Variants in SHISA9 observed in about 807,000 individuals in gnomAD.
SHISA9 encodes the protein protein shisa-9.
Under a neutral mutation model 38.0 loss-of-function variants are expected in SHISA9, and 13 were observed. That is an observed-to-expected ratio of 0.34 (90% CI 0.22 to 0.54). SHISA9 has a LOEUF of 0.54. Among genes scored for constraint, SHISA9 ranks in the 20% least tolerant of loss-of-function variants. The pLI is 0.91. For synonymous variants in SHISA9, 275 were observed against 242.0 expected (o/e 1.14, Z -1.27); for missense variants, 538 against 575.8 (o/e 0.93, Z 0.67).
At chr16:12,952,609 G>T (rs1329520053) in intron 2 of SHISA9, among the ~76,000 whole-genome samples, 1 of 152,196 alleles carries the variant, frequency 6.6e-6, no homozygotes, top group African/African-American at 2.4e-5. Flanking sequence ...GATCATGGGG[G>T]TGGTTTCCTC....
At chr16:13,018,306 C>G (rs778568458) in intron 2 of SHISA9, among the ~76,000 whole-genome samples, 3 of 152,198 alleles carry the variant, frequency 2.0e-5, no homozygotes, top group Non-Finnish European at 2.9e-5. Flanking sequence ...GATCTGGCCT[C>G]CAATTTGAAT....
the SHISA9 span, among the ~76,000 whole-genome samples, chr16:13,556,338 C>T: frequency 6.6e-6 from 1 of 152,140 alleles, no homozygotes; most frequent in East Asian, 1.9e-4. Flanking sequence ...GGAATTTGAA[C>T]ACAGTCTGAC....
chr16:12,973,913 A>C (rs2072119671), intron 2 of SHISA9, among the ~76,000 whole-genome samples: 1 of 152,174 alleles, frequency 6.6e-6, no homozygotes, highest in Admixed American at 6.5e-5. Context: ...CGTATTCTTC[A>C]AGCACCCTTC....
chr16:13,048,248 A>G (rs1423600910), intron 2 of SHISA9, among the ~76,000 whole-genome samples: 2 of 152,202 alleles, frequency 1.3e-5, no homozygotes, highest in Non-Finnish European at 2.9e-5. Context: ...GTAACAAATA[A>G]TTTGTCTGAT....
chr16:13,496,472 A>G, the SHISA9 span, among the ~76,000 whole-genome samples: 1 of 152,140 alleles, frequency 6.6e-6, no homozygotes, highest in South Asian at 2.1e-4. Flanking sequence ...GTCAATGGTC[A>G]ACATTATATA....
the SHISA9 span, among the ~76,000 whole-genome samples, chr16:13,518,743 T>G: frequency 6.6e-6 from 1 of 152,198 alleles, no homozygotes; most frequent in Non-Finnish European, 1.5e-5. Context: ...CCAGTTTATG[T>G]TGCTATAGCA....
the SHISA9 span, among the ~76,000 whole-genome samples, chr16:13,506,306 C>T: frequency 7.9e-5 from 12 of 152,084 alleles, no homozygotes; most frequent in Admixed American, 7.9e-4. Context: ...CAGAGAACAA[C>T]AAAAAGACAA....
At chr16:13,529,994 C>T in the SHISA9 span, among the ~76,000 whole-genome samples, 2 of 152,198 alleles carry the variant, frequency 1.3e-5, no homozygotes, top group Non-Finnish European at 2.9e-5. Flanking sequence ...TGCTTGGCCG[C>T]CTGGGTTTAA....
the SHISA9 span, among the ~76,000 whole-genome samples, chr16:13,380,168 A>G: frequency 6.6e-6 from 1 of 152,146 alleles, no homozygotes; most frequent in Non-Finnish European, 1.5e-5. Context: ...AAAAAAAAAT[A>G]GAAGAGGGAT....
chr16:13,309,235 T>C, the SHISA9 span, among the ~76,000 whole-genome samples: 1 of 152,144 alleles, frequency 6.6e-6, no homozygotes, highest in African/African-American at 2.4e-5. Flanking sequence ...GAATAACTAA[T>C]GGATGCTGGG....
chr16:13,537,951 C>A, the SHISA9 span, among the ~76,000 whole-genome samples: 1 of 152,056 alleles, frequency 6.6e-6, no homozygotes, highest in African/African-American at 2.4e-5. Context: ...ATGGTGTTTT[C>A]TACTTTTTTC....
At chr16:13,178,211 C>G (rs2050747966) in intron 2 of SHISA9, among the ~76,000 whole-genome samples, 1 of 152,078 alleles carries the variant, frequency 6.6e-6, no homozygotes, top group South Asian at 2.1e-4. Flanking sequence ...GGATCAGCTA[C>G]AAGGATGGGT....
chr16:12,957,192 C>A (rs550176291), intron 2 of SHISA9, among the ~76,000 whole-genome samples: 1 of 152,190 alleles, frequency 6.6e-6, no homozygotes, highest in Admixed American at 6.5e-5. Flanking sequence ...CCTTGACATT[C>A]TTCTCTAGCA....
At chr16:13,366,454 T>C in the SHISA9 span, among the ~76,000 whole-genome samples, 19 of 152,250 alleles carry the variant, frequency 1.2e-4, no homozygotes, top group Admixed American at 3.9e-4. Flanking sequence ...AGATTTGGAT[T>C]CAGTAGATCT....
chr16:13,419,304 G>T, the SHISA9 span, among the ~76,000 whole-genome samples: 3 of 152,346 alleles, frequency 2.0e-5, no homozygotes, highest in Admixed American at 1.3e-4. Flanking sequence ...GAGATGGAAA[G>T]AACAGCGGGC....
chr16:13,214,382 T>C (rs1224409499), intron 4 of SHISA9, among the ~76,000 whole-genome samples: 8 of 152,100 alleles, frequency 5.3e-5, no homozygotes, highest in African/African-American at 1.9e-4. Context: ...TTGAATTTTT[T>C]TTTTTAGTAG....
At chr16:13,217,089 G>A (rs1357928366) in intron 4 of SHISA9, among the ~76,000 whole-genome samples, 1 of 150,826 alleles carries the variant, frequency 6.6e-6, no homozygotes, top group Admixed American at 6.6e-5. Flanking sequence ...GGCTAACACG[G>A]TGAAACCCCA....
intron 2 of SHISA9, among the ~76,000 whole-genome samples, chr16:13,198,935 C>A (rs1285289121): frequency 6.6e-6 from 1 of 152,214 alleles, no homozygotes; most frequent in Non-Finnish European, 1.5e-5. Flanking sequence ...TATTAAGTAA[C>A]TACTCACTGC....
At chr16:12,939,701 A>G (rs2071583630) in intron 2 of SHISA9, among the ~76,000 whole-genome samples, 1 of 152,136 alleles carries the variant, frequency 6.6e-6, no homozygotes, top group Non-Finnish European at 1.5e-5. Context: ...CTCTTTCCCC[A>G]TCACCTGCCT....
Sources: gnomAD v4.1 joint callset for allele counts (sites outside exome capture counted in the v4.1 genomes callset) on GRCh38, gnomAD v4.1.1 for gene constraint, MANE v1.5 for transcripts, NCBI Gene and HGNC (gene_info 2026-07-23, HGNC 2026-07-21) for gene names.